The following THSD7A variants were observed in gnomAD, a reference collection of about 807,000 sequenced individuals.
THSD7A encodes thrombospondin type 1 domain containing 7A, also known as thrombospondin type-1 domain-containing protein 7A.
THSD7A carries 96 observed loss-of-function variants against 231.3 expected under a neutral mutation model. The ratio of observed to expected loss-of-function variants is 0.41; its 90% confidence interval spans 0.35 to 0.49. THSD7A has a LOEUF of 0.49. Among genes scored for constraint, THSD7A ranks in the 20% least tolerant of loss-of-function variants. The pLI is 0.05. For synonymous variants in THSD7A, 940 were observed against 743.3 expected, an observed-to-expected ratio of 1.26 and a Z score of -4.30; for missense variants, 2,290 against 2,070.2, an observed-to-expected ratio of 1.11 and a Z score of -2.06.
Position 11,636,417 on chromosome 7 carries a change from T to G in THSD7A, c.735A>C (p.Pro245=), listed in dbSNP as rs200074549. 3.1e-6 allele frequency: 5 copies of G among 1,613,730 alleles called. No homozygotes were observed. In the African/African-American group the frequency reaches 4.0e-5, roughly 13 times the overall value. The change falls in exon 2 of 28, where the codon CCA becomes CCC. Residue 245 remains proline (P), a synonymous_variant. Coordinates refer to ENST00000423059, the MANE Select transcript of THSD7A (RefSeq NM_015204.3). The surrounding 1 kb of genome is among the most constrained non-coding windows in gnomAD (Gnocchi z 10.0). The stretch of plus-strand genomic sequence containing the variant: ...TGTACCTGAGCTCCTCGGCCTCGCA[T>G]GGACTGGATTGGCACACCTGGAACT... ...LTEFQVCQSS[P]CEAEELRYSL...
Position 11,412,641 on chromosome 7 carries a change from T to C in THSD7A, c.3682+15A>G. On this transcript the variant is annotated intron_variant, in intron 18 of 27. Coordinates refer to ENST00000423059, the MANE Select transcript of THSD7A (RefSeq NM_015204.3). ...ATTTGGACTTAACTCCGTGATCAGA[T>C]GATGATCCATGTACCTGTTACATTA... 7 of 1,613,474 alleles carry C rather than the reference T, an allele frequency of 4.3e-6. No individual in the cohort carries two copies. Among genetic ancestry groups the C allele is most frequent in the South Asian group, 1.1e-5 (1 of 91,026 alleles).
intron 8 of THSD7A, among the ~76,000 whole-genome samples, chr7:11,473,242 T>C (rs1426108324): frequency 6.6e-6 from 1 of 151,642 alleles, no homozygotes; most frequent in East Asian, 1.9e-4. Flanking sequence ...CCTGGAGTTT[T>C]TCATGCATCA....
At chr7:11,819,937 T>C (rs1171676363) in intron 1 of THSD7A, among the ~76,000 whole-genome samples, 1 of 152,148 alleles carries the variant, frequency 6.6e-6, no homozygotes, top group Non-Finnish European at 1.5e-5. Flanking sequence ...ACTCTGTACT[T>C]TCTGCTTAAC....
At chr7:11,621,284 C>T (rs1781301579) in intron 2 of THSD7A, among the ~76,000 whole-genome samples, 1 of 152,148 alleles carries the variant, frequency 6.6e-6, no homozygotes, top group Non-Finnish European at 1.5e-5. Context: ...TCACTCAATA[C>T]TGCGTTTCCA....
intron 1 of THSD7A, among the ~76,000 whole-genome samples, chr7:11,816,741 AG>A (rs1784715272): frequency 6.6e-6 from 1 of 151,882 alleles, no homozygotes; most frequent in Admixed American, 6.6e-5. Context: ...TAGTGAAAAA[AG>A]TGTATAATTG....
intron 1 of THSD7A, among the ~76,000 whole-genome samples, chr7:11,691,178 T>G (rs1220158943): frequency 6.6e-5 from 10 of 151,568 alleles, no homozygotes; most frequent in Non-Finnish European, 1.5e-4. Context: ...TTTCTTGAAC[T>G]TGGTAAGTCT....
At chr7:11,420,048 T>A (rs1784092914) in intron 16 of THSD7A, among the ~76,000 whole-genome samples, 1 of 152,180 alleles carries the variant, frequency 6.6e-6, no homozygotes, top group South Asian at 2.1e-4. Context: ...AAACTGGAAC[T>A]TATATTTAAA....
At chr7:11,673,351 A>C (rs536594205) in intron 1 of THSD7A, among the ~76,000 whole-genome samples, 1 of 152,264 alleles carries the variant, frequency 6.6e-6, no homozygotes, top group Non-Finnish European at 1.5e-5. Context: ...TTGAACCCTC[A>C]TGGACTCCAG....
chr7:11,593,472 G>T lies in THSD7A; in HGVS notation c.1053C>A (p.Thr351=). The part of the protein sequence containing the change: ...SFCQQEKLPM[T]FQSCVITKEC... ...CTTTGGTGATCACACAGGACTGGAA[G>T]GTCATTGGAAGCTTCTCTTGCTGGC... The change falls in exon 3 of 28, where the codon ACC becomes ACA. Residue 351 remains threonine (T), a synonymous_variant. Transcript: ENST00000423059. The T allele has an allele frequency of 6.2e-7, 1 of 1,613,898 alleles. No homozygotes were observed. The highest frequency in any genetic ancestry group is 8.5e-7 in the Non-Finnish European group (1 of 1,179,808).
Position 11,568,656 on chromosome 7 carries a change from C to CAAAAAAAAAAA in THSD7A, c.1453+21803_1453+21804insTTTTTTTTTTT, listed in dbSNP as rs1562728058. Among the ~76,000 whole-genome samples the CAAAAAAAAAAA allele has an allele frequency of 1.2e-4, 11 of 88,622 alleles. 2 individuals carry two copies. The highest frequency in any genetic ancestry group is 3.9e-4 in the East Asian group (1 of 2,590). The allele number at this position is 88,622 out of a possible 152,430, so 58.1% of individuals were successfully genotyped here. A position where few individuals can be genotyped will look rare whatever the true frequency, so the allele number is the denominator to read the frequency against. On this transcript the variant is annotated intron_variant, in intron 4 of 27. Coordinates refer to ENST00000423059, the MANE Select transcript of THSD7A (RefSeq NM_015204.3). ...AAAAAAAAAAAAAAAAAAAAAAAACCAAAATCTGGAACAAGGTAAAGATGA... is the reference window on the plus strand; with the variant it reads ...AAAAAAAAAAAAAAAAAAAAAAAACCAAAAAAAAAAAAAAATCTGGAACAAGGTAAAGATGA...
chr7:11,574,455 GAC>G, intron 4 of THSD7A, among the ~76,000 whole-genome samples: 1 of 135,574 alleles, frequency 7.4e-6, no homozygotes, highest in Non-Finnish European at 1.6e-5. Context: ...TTTTTTTTGA[GAC>G]AGAGTTTCGC....
At chr7:11,510,362 C>G (rs1787753435) in intron 6 of THSD7A, among the ~76,000 whole-genome samples, 1 of 152,176 alleles carries the variant, frequency 6.6e-6, no homozygotes, top group South Asian at 2.1e-4. Flanking sequence ...GGAGCTGGTA[C>G]TATTCCTTCT....
At chr7:11,410,126 A>T (rs935481766) in intron 19 of THSD7A, among the ~76,000 whole-genome samples, 1 of 152,196 alleles carries the variant, frequency 6.6e-6, no homozygotes, top group Non-Finnish European at 1.5e-5. Context: ...TGAAATTTCT[A>T]ATTATTCAAG....
chr7:11,660,281 T>C (rs1344126140), intron 1 of THSD7A, among the ~76,000 whole-genome samples: 1 of 151,506 alleles, frequency 6.6e-6, no homozygotes, highest in Non-Finnish European at 1.5e-5. Flanking sequence ...ATTCCACCTA[T>C]TTGGAAAATT....
At chr7:11,784,307 G>T (rs941944045) in intron 1 of THSD7A, among the ~76,000 whole-genome samples, 4 of 150,584 alleles carry the variant, frequency 2.7e-5, no homozygotes, top group Non-Finnish European at 4.4e-5. Flanking sequence ...CCTGAATTTT[G>T]GGATGCATGT....
At chr7:11,823,771 A>T (rs549598123) in intron 1 of THSD7A, among the ~76,000 whole-genome samples, 1 of 152,048 alleles carries the variant, frequency 6.6e-6, no homozygotes, top group Non-Finnish European at 1.5e-5. Context: ...ATTGGTATAT[A>T]TGAATGCTTT....
intron 6 of THSD7A, among the ~76,000 whole-genome samples, chr7:11,523,212 A>C (rs1788337706): frequency 6.6e-6 from 1 of 152,154 alleles, no homozygotes; most frequent in South Asian, 2.1e-4. Context: ...CAGAGTCATA[A>C]ATAAAAATCT....
intron 1 of THSD7A, among the ~76,000 whole-genome samples, chr7:11,815,327 C>A (rs1334932155): frequency 1.3e-5 from 2 of 151,844 alleles, no homozygotes; most frequent in African/African-American, 4.8e-5. Flanking sequence ...AGTGGTATTA[C>A]TTCTCTTAAC....
At chr7:11,640,210 G>T (rs149083434) in intron 1 of THSD7A, among the ~76,000 whole-genome samples, 7 of 152,138 alleles carry the variant, frequency 4.6e-5, no homozygotes, top group African/African-American at 1.7e-4. Context: ...CTTGTCTGCC[G>T]CCTGCAACAG....
Sources: allele counts gnomAD v4.1 joint callset (sites outside exome capture counted in the v4.1 genomes callset), GRCh38; gene constraint gnomAD v4.1.1; non-coding constraint Gnocchi (gnomAD v3.1); transcripts MANE v1.5; gene names NCBI Gene and HGNC (gene_info 2026-07-23, HGNC 2026-07-21).